Variants in CACNB4 observed in about 807,000 individuals in gnomAD.
CACNB4 encodes voltage-dependent L-type calcium channel subunit beta-4.
In CACNB4, 32 loss-of-function variants were observed where a neutral mutation model predicts 71.2. The ratio of observed to expected loss-of-function variants is 0.45; its 90% CI spans 0.34 to 0.60. The LOEUF (loss-of-function observed/expected upper bound fraction) is 0.60, where lower values mean the gene tolerates loss of function less well. CACNB4 is among the 20% of genes least tolerant of loss of function. The pLI is 0.01. For synonymous variants in CACNB4, 231 were observed against 236.9 expected, an observed-to-expected ratio of 0.97 and a Z score of 0.23; for missense variants, 464 against 647.9, an observed-to-expected ratio of 0.72 and a Z score of 3.08.
chr2:151,965,262 C>A (rs540174942), intron 2 of CACNB4, among the ~76,000 whole-genome samples: 1 of 152,164 alleles, frequency 6.6e-6, no homozygotes, highest in Admixed American at 6.5e-5. Flanking sequence ...TTACTTCATG[C>A]GAACATTATT....
intron 2 of CACNB4, among the ~76,000 whole-genome samples, chr2:152,001,718 G>GAA (rs70974817): frequency 1.6e-5 from 2 of 127,860 alleles, no homozygotes; most frequent in African/African-American, 3.2e-5. Flanking sequence ...TGTCTCGAAA[G>GAA]AAAAAAAAAA....
chr2:151,967,487 G>A (rs901965751), intron 2 of CACNB4: 12 of 152,236 alleles, frequency 7.9e-5, no homozygotes, highest in African/African-American at 2.9e-4. Context: ...AAGTCTTATG[G>A]AGATTTAAAA....
At chr2:151,917,844 A>AAG (rs934245516) in intron 2 of CACNB4, among the ~76,000 whole-genome samples, 2 of 151,540 alleles carry the variant, frequency 1.3e-5, no homozygotes, top group African/African-American at 4.9e-5. Flanking sequence ...CAAAAAAAAA[A>AAG]AAAAAAAAGA....
rs2099834792 is a variant in CACNB4, at chr2:151,835,913, A to G, written c.*3206T>C. The G allele has an allele frequency of 6.6e-6, 1 of 151,892 alleles. No homozygotes were observed. Among genetic ancestry groups the G allele is most frequent in the Admixed American group, 6.6e-5 (1 of 15,254 alleles). 9.4% of individuals were successfully genotyped at this position (151,892 alleles called of 1,614,324 possible). A position where few individuals can be genotyped will look rare whatever the true frequency, so the allele number is the denominator to read the frequency against. Reference sequence around the variant, plus strand: ...AATAAAATTCATTTCATTAAAGACTAACTGCAATGACTTATATAGTCACAA... The same window carrying G: ...AATAAAATTCATTTCATTAAAGACTGACTGCAATGACTTATATAGTCACAA... On this transcript the variant is annotated 3_prime_UTR_variant, in exon 14 of 14. Transcript: ENST00000539935.
intron 2 of CACNB4, among the ~76,000 whole-genome samples, chr2:151,983,095 C>A (rs981298491): frequency 6.6e-6 from 1 of 152,208 alleles, no homozygotes; most frequent in Non-Finnish European, 1.5e-5. Flanking sequence ...TGTTAGCCTG[C>A]TTACTTTCTG....
chr2:151,887,406 T>C (rs370243245), intron 2 of CACNB4, among the ~76,000 whole-genome samples: 2 of 149,018 alleles, frequency 1.3e-5, no homozygotes, highest in East Asian at 4.0e-4. Flanking sequence ...CACTCCAGCC[T>C]GGGTGACAGA....
chr2:152,081,668 A>T (rs1401658968), intron 2 of CACNB4, among the ~76,000 whole-genome samples: 1 of 152,002 alleles, frequency 6.6e-6, no homozygotes, highest in Non-Finnish European at 1.5e-5. Context: ...TACCCTCAAA[A>T]TCTCATCTAA....
At chr2:152,062,140 AC>A (rs1298591095) in intron 2 of CACNB4, among the ~76,000 whole-genome samples, 1 of 151,988 alleles carries the variant, frequency 6.6e-6, no homozygotes, top group Non-Finnish European at 1.5e-5. Flanking sequence ...CTTTCTATGT[AC>A]CTTATTGTGA....
chr2:151,964,386 G>T (rs1022316811), intron 2 of CACNB4, among the ~76,000 whole-genome samples: 2 of 151,938 alleles, frequency 1.3e-5, no homozygotes, highest in African/African-American at 4.9e-5. Flanking sequence ...GCATAGAAAT[G>T]GATATCCACT....
intron 2 of CACNB4, among the ~76,000 whole-genome samples, chr2:152,059,377 G>A (rs1685889618): frequency 6.6e-6 from 1 of 152,272 alleles, no homozygotes; most frequent in African/African-American, 2.4e-5. Flanking sequence ...AGCCACAGGG[G>A]TAGAGCTGCC....
At chr2:151,970,680 T>A (rs1011233182) in intron 2 of CACNB4, 1 of 152,210 alleles carries the variant, frequency 6.6e-6, no homozygotes, top group Non-Finnish European at 1.5e-5. Context: ...TAGCAGCTAA[T>A]GTAGGAAGAG....
At chr2:152,041,395 G>A (rs538746748) in intron 2 of CACNB4, among the ~76,000 whole-genome samples, 1 of 152,298 alleles carries the variant, frequency 6.6e-6, no homozygotes, top group South Asian at 2.1e-4. Context: ...GAAGGTAAAG[G>A]GCAATCTGTA....
intron 2 of CACNB4, among the ~76,000 whole-genome samples, chr2:151,910,519 A>G (rs13386624): frequency 0.24 from 35,861 of 152,154 alleles, 4,482 homozygotes; most frequent in Middle Eastern, 0.39. Flanking sequence ...TTTTCTGCAT[A>G]TGGCTAGCTA....
chr2:151,952,054 C>A (rs922245227), intron 2 of CACNB4, among the ~76,000 whole-genome samples: 3 of 152,144 alleles, frequency 2.0e-5, no homozygotes, highest in Non-Finnish European at 4.4e-5. Context: ...TAACACCTAC[C>A]TCAACTACTC....
chr2:151,998,315 CAAAA>C (rs70974815), intron 2 of CACNB4, among the ~76,000 whole-genome samples: 1 of 110,720 alleles, frequency 9.0e-6, no homozygotes, highest in African/African-American at 4.0e-5. Flanking sequence ...ACTCCATCTC[CAAAA>C]AAAAAAAAAA....
chr2:152,036,860 C>T (rs1345443200), intron 2 of CACNB4, among the ~76,000 whole-genome samples: 1 of 152,168 alleles, frequency 6.6e-6, no homozygotes, highest in Non-Finnish European at 1.5e-5. Flanking sequence ...AACAAGTATA[C>T]TCTGCCATGA....
chr2:151,971,965 T>G, intron 2 of CACNB4: 1 of 221,934 alleles, frequency 4.5e-6, no homozygotes, highest in Non-Finnish European at 8.9e-6. Flanking sequence ...CTGCAGTACC[T>G]AGCACTACCC....
intron 2 of CACNB4, among the ~76,000 whole-genome samples, chr2:151,976,873 G>C (rs953270516): frequency 2.7e-4 from 41 of 152,138 alleles, no homozygotes; most frequent in African/African-American, 8.9e-4. Context: ...TTAGTAAAAG[G>C]GTCTATGGAT....
At chr2:151,971,325 AC>A in intron 2 of CACNB4, 1 of 594,934 alleles carries the variant, frequency 1.7e-6, no homozygotes, top group Non-Finnish European at 3.0e-6. Flanking sequence ...TCACAAGTTA[AC>A]CCCCACACAC....
Sources: allele counts gnomAD v4.1 joint callset (sites outside exome capture counted in the v4.1 genomes callset), GRCh38; gene constraint gnomAD v4.1.1; transcripts MANE v1.5; gene names NCBI Gene and HGNC (gene_info 2026-07-23, HGNC 2026-07-21).